The following EDIL3 variants were observed in gnomAD, a reference collection of about 807,000 sequenced individuals.
EDIL3 encodes EGF-like repeat and discoidin I-like domain-containing protein 3.
EDIL3 carries 37 observed loss-of-function variants against 67.4 expected under a neutral mutation model. The observed-to-expected ratio is 0.55, with a 90% CI of 0.42 to 0.72. EDIL3 has a LOEUF of 0.72. EDIL3 is among the 30% of genes least tolerant of loss of function. The pLI, the probability that EDIL3 is intolerant of heterozygous loss-of-function variation, is 0.00. For synonymous variants in EDIL3, 195 were observed against 196.3 expected (o/e 0.99, Z 0.05); for missense variants, 527 against 586.3 (o/e 0.90, Z 1.04).
intron 6 of EDIL3, among the ~76,000 whole-genome samples, chr5:84,100,759 CT>C (rs1747348906): frequency 6.6e-6 from 1 of 151,898 alleles, no homozygotes; most frequent in Admixed American, 6.6e-5. Flanking sequence ...TTAGCGATAC[CT>C]ATATTTCTTT....
intron 1 of EDIL3, among the ~76,000 whole-genome samples, chr5:84,371,500 A>C (rs1306406381): frequency 6.7e-6 from 1 of 148,664 alleles, no homozygotes; most frequent in Non-Finnish European, 1.5e-5. Flanking sequence ...GAGAGAAAAT[A>C]ATTTCAAGAA....
chr5:84,298,058 C>T (rs1477218967), intron 1 of EDIL3, among the ~76,000 whole-genome samples: 1 of 152,162 alleles, frequency 6.6e-6, no homozygotes, highest in Non-Finnish European at 1.5e-5. Flanking sequence ...GTCAGACATG[C>T]AAGCCCTGCC....
chr5:83,954,768 C>A (rs1482214145), intron 10 of EDIL3, among the ~76,000 whole-genome samples: 1 of 151,760 alleles, frequency 6.6e-6, no homozygotes, highest in Admixed American at 6.6e-5. Context: ...CTATCATACT[C>A]AGATTGATCG....
At chr5:84,172,591 A>AAAC (rs967996713) in intron 4 of EDIL3, among the ~76,000 whole-genome samples, 9 of 151,872 alleles carry the variant, frequency 5.9e-5, no homozygotes, top group African/African-American at 1.9e-4. Context: ...CAAAAAAACA[A>AAAC]AACAACAACA....
intron 1 of EDIL3, among the ~76,000 whole-genome samples, chr5:84,356,576 T>C (rs1348741535): frequency 2.0e-5 from 3 of 152,224 alleles, no homozygotes; most frequent in African/African-American, 7.2e-5. Flanking sequence ...CAAGCATCCT[T>C]GTAATTACAT....
intron 4 of EDIL3, among the ~76,000 whole-genome samples, chr5:84,146,913 T>C (rs2112325999): frequency 6.6e-6 from 1 of 152,132 alleles, no homozygotes; most frequent in South Asian, 2.1e-4. Context: ...CACAAAACAG[T>C]AAAGTTACAA....
chr5:84,050,681 C>G (rs1746318603), intron 9 of EDIL3, among the ~76,000 whole-genome samples: 1 of 152,206 alleles, frequency 6.6e-6, no homozygotes, highest in African/African-American at 2.4e-5. Flanking sequence ...GCGCCTGGCT[C>G]AGAGGGTCCC....
At chr5:84,157,862 T>C (rs1748520912) in intron 4 of EDIL3, among the ~76,000 whole-genome samples, 1 of 152,048 alleles carries the variant, frequency 6.6e-6, no homozygotes, top group Non-Finnish European at 1.5e-5. Flanking sequence ...ACTAAATGCA[T>C]AAATATTTGG....
At chr5:84,263,107 T>A (rs1745268816) in intron 1 of EDIL3, among the ~76,000 whole-genome samples, 1 of 152,162 alleles carries the variant, frequency 6.6e-6, no homozygotes, top group Non-Finnish European at 1.5e-5. Flanking sequence ...GATGGACAAA[T>A]TCCTATTCTC....
At chr5:84,215,016 G>C (rs972071900) in intron 3 of EDIL3, among the ~76,000 whole-genome samples, 1 of 151,760 alleles carries the variant, frequency 6.6e-6, no homozygotes, top group South Asian at 2.1e-4. Context: ...CACCGCACCC[G>C]GCCCTATGTG....
chr5:83,997,110 T>A (rs1158354121), intron 9 of EDIL3, among the ~76,000 whole-genome samples: 1 of 152,122 alleles, frequency 6.6e-6, no homozygotes, highest in Non-Finnish European at 1.5e-5. Context: ...CAGGGTTTAA[T>A]GGGAAAGGTG....
intron 4 of EDIL3, among the ~76,000 whole-genome samples, chr5:84,143,433 G>C (rs1056401566): frequency 2.6e-5 from 4 of 151,992 alleles, no homozygotes; most frequent in African/African-American, 9.7e-5. Context: ...AAATCCAAGA[G>C]ATATTTATCC....
intron 4 of EDIL3, among the ~76,000 whole-genome samples, chr5:84,159,163 G>A (rs936767308): frequency 4.6e-5 from 7 of 151,932 alleles, no homozygotes; most frequent in African/African-American, 1.5e-4. Context: ...ACAAATTCAC[G>A]GGTGAAAACA....
rs988251278 is a variant in EDIL3 at position 84,378,877 on chromosome 5, T to A, written c.67+5431A>T. Among the ~76,000 whole-genome samples the A allele has an allele frequency of 2.0e-5, 3 of 152,232 alleles. No individual in the cohort carries two copies. The East Asian group carries it at 5.8e-4, about 29-fold the overall frequency. On this transcript the variant is annotated intron_variant, in intron 1 of 10. Transcript: ENST00000296591. The stretch of plus-strand genomic sequence containing the variant: ...GGTAGGCAGAGGTTTGACATTATCA[T>A]CTTCCTTTTCTTTCCTCACAAAAAG...
intron 9 of EDIL3, among the ~76,000 whole-genome samples, chr5:84,028,083 G>C (rs924917955): frequency 6.6e-6 from 1 of 151,888 alleles, no homozygotes; most frequent in African/African-American, 2.4e-5. Flanking sequence ...TCTTTTTTTG[G>C]TGACTGCATT....
At chr5:84,201,049 A>G (rs1743821155) in intron 3 of EDIL3, among the ~76,000 whole-genome samples, 1 of 152,108 alleles carries the variant, frequency 6.6e-6, no homozygotes. Context: ...TTTTAAAATT[A>G]ATGATACAAT....
At chr5:84,241,372 C>T (rs754146117) in intron 2 of EDIL3, among the ~76,000 whole-genome samples, 1 of 152,130 alleles carries the variant, frequency 6.6e-6, no homozygotes, top group Non-Finnish European at 1.5e-5. Flanking sequence ...TATTAATGTG[C>T]TATCATAAAT....
At chr5:84,307,236 A>G (rs1165703083) in intron 1 of EDIL3, among the ~76,000 whole-genome samples, 2 of 152,222 alleles carry the variant, frequency 1.3e-5, no homozygotes, top group African/African-American at 4.8e-5. Context: ...CCGCATCTTA[A>G]GTTAAATGAA....
At chr5:84,345,249 A>G (rs1392280678) in intron 1 of EDIL3, among the ~76,000 whole-genome samples, 1 of 152,118 alleles carries the variant, frequency 6.6e-6, no homozygotes, top group East Asian at 1.9e-4. Context: ...AACCCTCCTG[A>G]TTTGAGACAT....
Sources: gnomAD v4.1 joint callset for allele counts (sites outside exome capture counted in the v4.1 genomes callset) on GRCh38, gnomAD v4.1.1 for gene constraint, MANE v1.5 for transcripts, NCBI Gene and HGNC (gene_info 2026-07-23, HGNC 2026-07-21) for gene names.